Variants in GPHN observed in about 807,000 individuals in gnomAD.
GPHN encodes the protein gephyrin.
A neutral mutation model predicts 95.5 loss-of-function variants in GPHN; 17 were observed. The ratio of observed to expected loss-of-function variants is 0.18; its 90% CI spans 0.12 to 0.27. The LOEUF (loss-of-function observed/expected upper bound fraction) is 0.27. GPHN is among the 10% of genes least tolerant of loss of function. The pLI is 1.00. For synonymous variants in GPHN, 320 were observed against 322.5 expected (o/e 0.99, Z 0.08); for missense variants, 660 against 978.1 (o/e 0.67, Z 4.34).
intron 3 of GPHN, among the ~76,000 whole-genome samples, chr14:66,802,338 G>C (rs1401646278): frequency 6.6e-6 from 1 of 152,062 alleles, no homozygotes; most frequent in Non-Finnish European, 1.5e-5. Context: ...AATGCTGCCT[G>C]GTCTTGAACT....
intron 17 of GPHN, among the ~76,000 whole-genome samples, chr14:67,130,104 A>G (rs1399090229): frequency 6.6e-6 from 1 of 151,652 alleles, no homozygotes; most frequent in African/African-American, 2.4e-5. Flanking sequence ...TTCTTTATAT[A>G]TTTACATATT....
the GPHN span, chr14:67,729,303 G>A: frequency 2.5e-6 from 4 of 1,602,066 alleles, no homozygotes; most frequent in East Asian, 2.2e-5. Context: ...TTGTCAAGAC[G>A]GCACGGGAGG....
chr14:66,554,026 C>A (rs539658772), intron 1 of GPHN, among the ~76,000 whole-genome samples: 263 of 152,018 alleles, frequency 1.7e-3, no homozygotes, highest in African/African-American at 5.8e-3. Context: ...ATCAAAAATC[C>A]TCTTATTTCA....
chr14:67,194,194 C>T, the GPHN span, among the ~76,000 whole-genome samples: 1 of 151,704 alleles, frequency 6.6e-6, no homozygotes, highest in Admixed American at 6.6e-5. Flanking sequence ...GAAATCCCGT[C>T]TCTACAAAAA....
chr14:66,866,583 G>A (rs1050056309), intron 4 of GPHN, among the ~76,000 whole-genome samples: 5 of 152,102 alleles, frequency 3.3e-5, no homozygotes, highest in Admixed American at 1.3e-4. Context: ...TGATGCTAAC[G>A]AGTGTTCACT....
chr14:67,310,007 C>CA, the GPHN span, among the ~76,000 whole-genome samples: 1 of 146,060 alleles, frequency 6.8e-6, no homozygotes, highest in Non-Finnish European at 1.5e-5. Context: ...TTTTTTTTGG[C>CA]AAAAAAGTAA....
chr14:67,292,800 G>A, the GPHN span: 2 of 1,031,890 alleles, frequency 1.9e-6, no homozygotes, highest in Non-Finnish European at 2.9e-6. Flanking sequence ...AAATACTAAT[G>A]TGACTATAAG....
chr14:67,469,588 A>G, the GPHN span, among the ~76,000 whole-genome samples: 1 of 151,558 alleles, frequency 6.6e-6, no homozygotes, highest in Non-Finnish European at 1.5e-5. Context: ...GCCCAGCCTG[A>G]CTGAGCAACT....
At position 67,110,130 on chromosome 14, in the gene GPHN, T is replaced by G. The variant is rs754901228; in HGVS notation, c.1294-10T>G. ...AGTACATCAACTGTCTTTTTCATCT[T>G]TATTTCCAGCCAACTCAGACAGTAA... On this transcript the variant is annotated splice_polypyrimidine_tract_variant and intron_variant, in intron 13 of 22. Coordinates refer to ENST00000478722, the MANE Select transcript of GPHN (RefSeq NM_020806.5). 1.9e-6 allele frequency: 3 copies of G among 1,612,946 alleles called. No individual in the cohort carries two copies. The highest frequency in any genetic ancestry group is 2.5e-6 in the Non-Finnish European group (3 of 1,179,072).
At chr14:66,989,140 C>A (rs1190294858) in intron 9 of GPHN, among the ~76,000 whole-genome samples, 1 of 151,888 alleles carries the variant, frequency 6.6e-6, no homozygotes, top group Non-Finnish European at 1.5e-5. Flanking sequence ...TGTCTCATAT[C>A]TCTACTTCTT....
chr14:66,962,310 T>G (rs2069006658), intron 8 of GPHN, among the ~76,000 whole-genome samples: 2 of 151,530 alleles, frequency 1.3e-5, no homozygotes, highest in African/African-American at 4.8e-5. Flanking sequence ...AATTTCTAAG[T>G]CTGTATCTCC....
chr14:66,850,751 A>G (rs2062547492), intron 4 of GPHN, among the ~76,000 whole-genome samples: 1 of 152,146 alleles, frequency 6.6e-6, no homozygotes, highest in South Asian at 2.1e-4. Flanking sequence ...CCCTCATGAC[A>G]TAATATCGAG....
At chr14:66,632,620 G>A (rs1364389260) in intron 1 of GPHN, among the ~76,000 whole-genome samples, 1 of 151,422 alleles carries the variant, frequency 6.6e-6, no homozygotes, top group Non-Finnish European at 1.5e-5. Context: ...AGCCTCCTGA[G>A]TAGCTGGGAC....
At chr14:66,573,879 A>G (rs2060800843) in intron 1 of GPHN, among the ~76,000 whole-genome samples, 1 of 151,918 alleles carries the variant, frequency 6.6e-6, no homozygotes, top group African/African-American at 2.4e-5. Context: ...TTCACATTCA[A>G]CCAATTTGTG....
chr14:67,715,966 CG>C, the GPHN span, among the ~76,000 whole-genome samples: 12 of 152,174 alleles, frequency 7.9e-5, no homozygotes, highest in African/African-American at 2.6e-4. Context: ...GAGGCCGAGG[CG>C]GGCGGATCAC....
At chr14:67,310,407 A>G in the GPHN span, among the ~76,000 whole-genome samples, 4 of 152,182 alleles carry the variant, frequency 2.6e-5, no homozygotes, top group Non-Finnish European at 5.9e-5. Flanking sequence ...TACAGGGGAA[A>G]ATAATCAGTG....
At chr14:67,299,111 A>C in the GPHN span, among the ~76,000 whole-genome samples, 6 of 152,346 alleles carry the variant, frequency 3.9e-5, no homozygotes, top group South Asian at 1.2e-3. Context: ...TCTAGCAGGT[A>C]GGTAATGGTA....
At chr14:67,187,206 TTTAAAAAA>T in the GPHN span, among the ~76,000 whole-genome samples, 1 of 152,044 alleles carries the variant, frequency 6.6e-6, no homozygotes, top group Non-Finnish European at 1.5e-5. Context: ...GTACTGAAAA[TTTAAAAAA>T]TAAAAAAATC....
intron 9 of GPHN, chr14:66,969,783 A>G (rs2069618428): frequency 6.6e-6 from 1 of 151,646 alleles, no homozygotes; most frequent in Admixed American, 6.6e-5. Flanking sequence ...CCTGGGCAAC[A>G]GAACAAAACT....
Sources: allele counts gnomAD v4.1 joint callset (sites outside exome capture counted in the v4.1 genomes callset), GRCh38; gene constraint gnomAD v4.1.1; transcripts MANE v1.5; gene names NCBI Gene and HGNC (gene_info 2026-07-23, HGNC 2026-07-21).